The following CDS1 variants were observed in gnomAD, a reference collection of about 807,000 sequenced individuals.
CDS1 encodes phosphatidate cytidylyltransferase 1.
In CDS1, 41 loss-of-function variants were observed where a neutral mutation model predicts 62.1. The ratio of observed to expected loss-of-function variants is 0.66; its 90% CI spans 0.51 to 0.86. The LOEUF (loss-of-function observed/expected upper bound fraction) is 0.86, where lower values mean the gene tolerates loss of function less well. Ranked by LOEUF, CDS1 falls within the 40% of genes least tolerant of loss-of-function variation. The probability of loss-of-function intolerance (pLI) is 0.00; values close to 1 mark genes in which losing one functional copy is unlikely to be tolerated. For missense variants in CDS1, 470 were observed against 550.1 expected, an observed-to-expected ratio of 0.85 and a Z score of 1.46; for synonymous variants, 185 against 192.6, an observed-to-expected ratio of 0.96 and a Z score of 0.32.
chr4:84,628,900 G>C (rs540520434), intron 5 of CDS1, among the ~76,000 whole-genome samples: 1 of 152,062 alleles, frequency 6.6e-6, no homozygotes, highest in East Asian at 1.9e-4. Flanking sequence ...TTAATGACTG[G>C]AGAACTCTTT....
intron 2 of CDS1, among the ~76,000 whole-genome samples, chr4:84,606,252 C>T (rs1723088963): frequency 1.3e-5 from 2 of 151,786 alleles, no homozygotes; most frequent in Non-Finnish European, 1.5e-5. Flanking sequence ...CCTACCAAGA[C>T]ATTAATATTT....
At position 84,593,087 on chromosome 4, in the gene CDS1, A is replaced by G. The variant is rs3804182; in HGVS notation, c.117+9569A>G. The stretch of plus-strand genomic sequence containing the variant: ...TCAAGGTTGTGCTTTTTATTTTTTC[A>G]TCTACTTACTATGCTTGTACTTGAA... On this transcript the variant is annotated intron_variant, in intron 1 of 12. Transcript: ENST00000295887. Among the ~76,000 whole-genome samples the G allele has an allele frequency of 1.4e-4, 22 of 152,280 alleles. No homozygotes were observed. The East Asian group carries it at 3.9e-3, about 27-fold the overall frequency.
chr4:84,593,265 T>C (rs904367390), intron 1 of CDS1, among the ~76,000 whole-genome samples: 2 of 152,148 alleles, frequency 1.3e-5, no homozygotes, highest in African/African-American at 4.8e-5. Flanking sequence ...CAAAAAGGTA[T>C]ACAAAGTATA....
chr4:84,612,005 G>A (rs1723339405), intron 3 of CDS1, among the ~76,000 whole-genome samples: 1 of 152,016 alleles, frequency 6.6e-6, no homozygotes, highest in Non-Finnish European at 1.5e-5. Flanking sequence ...GACCAAGTGA[G>A]AGCAAGGAGT....
intron 3 of CDS1, among the ~76,000 whole-genome samples, chr4:84,611,704 A>G (rs1723329587): frequency 6.6e-6 from 1 of 152,210 alleles, no homozygotes; most frequent in South Asian, 2.1e-4. Context: ...TTTTCTGCTA[A>G]TTTGCTAAGA....
chr4:84,621,335 A>G lies in CDS1; in HGVS notation c.580+1802A>G, dbSNP rs557381166. Among the ~76,000 whole-genome samples, 20 of 152,286 alleles carry G rather than the reference A, an allele frequency of 1.3e-4. No homozygotes were observed. The East Asian group carries it at 3.7e-3, about 28-fold the overall frequency. ...CTTTTCCATTTCTCTTTAAAAATATACAGAGTATGTGGGGAAGCATGTCCA... is the reference window on the plus strand; with the variant it reads ...CTTTTCCATTTCTCTTTAAAAATATGCAGAGTATGTGGGGAAGCATGTCCA... On this transcript the variant is annotated intron_variant, in intron 5 of 12. Coordinates refer to ENST00000295887, the MANE Select transcript of CDS1 (RefSeq NM_001263.4).
intron 1 of CDS1, among the ~76,000 whole-genome samples, chr4:84,595,163 G>A (rs1166937182): frequency 3.3e-5 from 5 of 152,144 alleles, no homozygotes; most frequent in Admixed American, 3.3e-4. Context: ...ACTGGCTAAA[G>A]GTGATAAAAG....
Position 84,604,321 on chromosome 4 carries a change from G to T in CDS1, c.196G>T (p.Asp66Tyr). ...TATTCCGGAAATTCCACCATCCTCA[G>T]ATAGAACCCCTGAGATTCTCAAAAA... ...SDIPEIPPSS[D>Y]RTPEILKKAL... The change falls in exon 2 of 13, where the codon GAT (aspartate) becomes TAT (tyrosine). Residue 66 changes from aspartate to tyrosine, a missense_variant. This residue lies in a region of CDS1 where 150 missense variants were observed against 142.0 expected (regional missense o/e 1.06). Transcript: ENST00000295887. 6.2e-7 allele frequency: 1 copy of T among 1,613,154 alleles called. No individual in the cohort carries two copies. Among genetic ancestry groups the T allele is most frequent in the Non-Finnish European group, 8.5e-7 (1 of 1,179,232 alleles).
rs752297483 is a variant in CDS1 at position 84,583,548 on chromosome 4, C to T, written c.117+30C>T. 42 of 1,359,852 alleles carry T rather than the reference C, an allele frequency of 3.1e-5. 1 individual carries two copies. The Middle Eastern group carries it at 2.8e-3, about 89-fold the overall frequency. The allele number at this position is 1,359,852 out of a possible 1,614,324, so 84.2% of individuals were successfully genotyped here. On this transcript the variant is annotated intron_variant, in intron 1 of 12. Coordinates refer to ENST00000295887, the MANE Select transcript of CDS1 (RefSeq NM_001263.4). ...GTGGAGCCGAGAGAGGCGGACGCCG[C>T]GCCCTGGCTGGGTCCTGGTTGGAAG...
chr4:84,610,929 C>T (rs192435778), intron 3 of CDS1, among the ~76,000 whole-genome samples: 1 of 152,302 alleles, frequency 6.6e-6, no homozygotes, highest in East Asian at 1.9e-4. Flanking sequence ...AGAACATACC[C>T]CCTTGTTAAG....
At chr4:84,648,459 T>C (rs1724617443) in intron 12 of CDS1, 98 bp from the exon 13 acceptor site, 1 of 1,121,746 alleles carries the variant, frequency 8.9e-7, no homozygotes, top group Non-Finnish European at 1.3e-6. Context: ...ATTCCTACTC[T>C]ACACTTAAAG....
rs537160472 is a variant in CDS1 at position 84,589,961 on chromosome 4, C to A, written c.117+6443C>A. ...ACGTAGCTGGGACTACAGGCACCCG[C>A]CACCACGCCTGGCTAATTTTTTTGT... is the stretch of plus-strand genomic sequence containing the variant. On this transcript the variant is annotated intron_variant, in intron 1 of 12. Transcript: ENST00000295887. 1.6e-4 allele frequency among the ~76,000 whole-genome samples: 25 copies of A among 152,346 alleles called. No individual in the cohort carries two copies. In the South Asian group the frequency reaches 5.2e-3, roughly 32 times the overall value.
intron 2 of CDS1, among the ~76,000 whole-genome samples, chr4:84,606,028 A>G (rs376267769): frequency 1.5e-3 from 236 of 152,280 alleles, no homozygotes; most frequent in African/African-American, 5.4e-3. Context: ...ACAATAGATA[A>G]TATAGTGGTT....
intron 1 of CDS1, among the ~76,000 whole-genome samples, chr4:84,592,413 T>C (rs568147636): frequency 6.6e-6 from 1 of 152,242 alleles, no homozygotes; most frequent in Admixed American, 6.5e-5. Context: ...CCTCAAGTAA[T>C]CCACCTGTCT....
At chr4:84,646,321 T>C (rs1724556533) in intron 12 of CDS1, among the ~76,000 whole-genome samples, 2 of 152,180 alleles carry the variant, frequency 1.3e-5, no homozygotes, top group Non-Finnish European at 2.9e-5. Flanking sequence ...ATTTTTTACC[T>C]CATTGATTTC....
At chr4:84,599,632 A>G (rs2868920) in intron 1 of CDS1, among the ~76,000 whole-genome samples, 80,424 of 148,046 alleles carry the variant, frequency 0.54, 21,690 homozygotes, top group East Asian at 0.67. Flanking sequence ...GTGTGTGTGT[A>G]TATATATATA....
At chr4:84,644,532 CAGCT>C (rs1481381609) in intron 11 of CDS1, among the ~76,000 whole-genome samples, 6 of 152,160 alleles carry the variant, frequency 3.9e-5, no homozygotes, top group Non-Finnish European at 8.8e-5. Context: ...GGAAACCAAA[CAGCT>C]ATTGCTGTTG....
At chr4:84,622,579 C>G (rs1377619418) in intron 5 of CDS1, among the ~76,000 whole-genome samples, 1 of 151,898 alleles carries the variant, frequency 6.6e-6, no homozygotes, top group African/African-American at 2.4e-5. Flanking sequence ...GGCGACAGAG[C>G]GAGACTCCAT....
At chr4:84,627,119 G>A (rs770509353) in intron 5 of CDS1, among the ~76,000 whole-genome samples, 4 of 152,142 alleles carry the variant, frequency 2.6e-5, no homozygotes, top group Non-Finnish European at 5.9e-5. Flanking sequence ...GAAAATTTTA[G>A]TTCTATTACA....
Sources: gnomAD v4.1 joint callset for allele counts (sites outside exome capture counted in the v4.1 genomes callset) on GRCh38, gnomAD v4.1.1 for gene constraint, gnomAD v4.1.1 regional missense constraint, MANE v1.5 for transcripts, NCBI Gene and HGNC (gene_info 2026-07-23, HGNC 2026-07-21) for gene names.